The following MTAP variants were observed in gnomAD, a reference collection of about 807,000 sequenced individuals.
MTAP encodes the protein S-methyl-5'-thioadenosine phosphorylase.
MTAP carries 33 observed loss-of-function variants against 33.6 expected under a neutral mutation model. The observed-to-expected ratio is 0.98, with a 90% confidence interval of 0.74 to 1.31. The LOEUF (loss-of-function observed/expected upper bound fraction) is 1.31. MTAP is among the 40% of genes most tolerant of loss of function. MTAP has a pLI of 0.00. For synonymous variants in MTAP, 148 were observed against 125.7 expected (o/e 1.18, Z -1.19); for missense variants, 367 against 360.0 (o/e 1.02, Z -0.16).
At chr9:21,830,429 T>A (rs1200086561) in intron 4 of MTAP, among the ~76,000 whole-genome samples, 2 of 152,238 alleles carry the variant, frequency 1.3e-5, no homozygotes, top group Non-Finnish European at 2.9e-5. Flanking sequence ...CCATTTCTTT[T>A]AACTTGTACA....
intron 1 of MTAP, among the ~76,000 whole-genome samples, chr9:21,909,525 C>T (rs1405576725): frequency 6.6e-6 from 1 of 151,934 alleles, no homozygotes; most frequent in Non-Finnish European, 1.5e-5. Flanking sequence ...TACAAACATG[C>T]TTGATATGTA....
chr9:21,841,692 TCCAGCTCTCAGGAAGC>T (rs928529479), intron 5 of MTAP, among the ~76,000 whole-genome samples: 1 of 152,194 alleles, frequency 6.6e-6, no homozygotes, highest in African/African-American at 2.4e-5. Context: ...GTCACTGCAG[TCCAGCTCTCAGGAAGC>T]CCCATCCCTA....
intron 4 of MTAP, among the ~76,000 whole-genome samples, chr9:21,826,011 T>C (rs1013953223): frequency 1.3e-5 from 2 of 152,204 alleles, no homozygotes; most frequent in Non-Finnish European, 2.9e-5. Context: ...CTTTCTTTCA[T>C]TTAGTTTCCT....
chr9:21,920,196 G>C (rs555613169), intron 1 of MTAP, among the ~76,000 whole-genome samples: 60 of 152,202 alleles, frequency 3.9e-4, no homozygotes, highest in Non-Finnish European at 5.3e-4. Flanking sequence ...GTGTCTTTTA[G>C]AAAGGAGGGA....
chr9:21,856,108 T>C, intron 6 of MTAP: 7 of 970,138 alleles, frequency 7.2e-6, no homozygotes, highest in Non-Finnish European at 8.6e-6. Context: ...GTTACTTGAA[T>C]AAACTAGATC....
In MTAP at chr9:21,861,978, T is replaced by G. The variant is rs1424537575; in HGVS notation, c.816T>G (p.Asn272Lys). The change falls in exon 8 of 8, where the codon AAT (asparagine) becomes AAG (lysine). Residue 272 changes from asparagine (N) to lysine (K), a missense_variant and splice_region_variant. Physicochemically the swap from Asn to Lys is moderately conservative, Grantham distance 94 (BLOSUM62 0). Transcript: ENST00000644715. ...EWSETLHNLK[N>K]MAQFSVLLPR... Reference sequence around the variant, plus strand: ...ACTGCCTCCTTTCTTCCTTTCAGAATATGGCCCAGTTTTCTGTTTTATTAC... The same window carrying G: ...ACTGCCTCCTTTCTTCCTTTCAGAAGATGGCCCAGTTTTCTGTTTTATTAC... The G allele has an allele frequency of 3.2e-6, 5 of 1,567,996 alleles. No homozygotes were observed. Among genetic ancestry groups the G allele is most frequent in the Non-Finnish European group, 3.5e-6 (4 of 1,138,264 alleles).
intron 4 of MTAP, among the ~76,000 whole-genome samples, chr9:21,835,221 G>T (rs574205086): frequency 6.6e-6 from 1 of 152,094 alleles, no homozygotes. Flanking sequence ...CCTCCAAAAG[G>T]CTCCATCTCC....
In MTAP at chr9:21,854,622, C is replaced by A. The variant is rs140931851; in HGVS notation, c.451-9C>A. 2.0e-6 allele frequency: 3 copies of A among 1,529,746 alleles called. No homozygotes were observed. The highest frequency in any genetic ancestry group is 2.6e-6 in the Non-Finnish European group (3 of 1,139,834). The allele number at this position is 1,529,746 out of a possible 1,614,324, so 94.8% of individuals were successfully genotyped here. ...GTATGTTTTGAAGTTTCTGGTTTTT[C>A]TTTTCTAGGTTCTTATAGAGACTGC... On this transcript the variant is annotated splice_polypyrimidine_tract_variant and intron_variant, in intron 5 of 7. Coordinates refer to ENST00000644715, the MANE Select transcript of MTAP (RefSeq NM_002451.4).
At chr9:21,921,431 A>T (rs1818785601) in intron 1 of MTAP, among the ~76,000 whole-genome samples, 1 of 151,772 alleles carries the variant, frequency 6.6e-6, no homozygotes, top group Non-Finnish European at 1.5e-5. Context: ...TTTCTACTAA[A>T]TTTGGTTTTG....
chr9:21,820,615 G>A (rs1232881074), intron 4 of MTAP, among the ~76,000 whole-genome samples: 2 of 152,150 alleles, frequency 1.3e-5, no homozygotes, highest in African/African-American at 4.8e-5. Context: ...GATTGTCTTG[G>A]CAATGTTCAT....
intron 1 of MTAP, among the ~76,000 whole-genome samples, chr9:21,928,410 G>A (rs1376535793): frequency 5.9e-5 from 9 of 152,148 alleles, no homozygotes; most frequent in African/African-American, 2.4e-5. Flanking sequence ...CTCTGGGGAG[G>A]ACTGGTAGAT....
intron 1 of MTAP, 121 bp downstream of exon 1, chr9:21,802,902 G>A (rs1298943832): frequency 6.8e-7 from 1 of 1,479,540 alleles, no homozygotes; most frequent in Non-Finnish European, 8.9e-7. Context: ...CCGCCGCGGG[G>A]AGGGACTGGG....
intron 5 of MTAP, among the ~76,000 whole-genome samples, chr9:21,852,151 C>G (rs1825528033): frequency 6.6e-6 from 1 of 152,154 alleles, no homozygotes; most frequent in Non-Finnish European, 1.5e-5. Context: ...GAATGGAAAA[C>G]TAAATATCGT....
downstream of MTAP, among the ~76,000 whole-genome samples, chr9:21,869,367 C>T (rs547493111): frequency 1.3e-5 from 2 of 152,140 alleles, no homozygotes; most frequent in Non-Finnish European, 2.9e-5. Context: ...GCATTTGATA[C>T]ACTTGACCCC....
In MTAP at chr9:21,864,165, T is replaced by G; in HGVS notation, c.*2151T>G. ...CTCCAACTTGCAGAGGTACTTTTCT[T>G]GATTAAATAGCCTTCTCTAGCAACA... On this transcript the variant is annotated 3_prime_UTR_variant, in exon 8 of 8. Transcript: ENST00000644715. The G allele has an allele frequency of 1.0e-6, 1 of 985,464 alleles. No individual in the cohort carries two copies. The allele number at this position is 985,464 out of a possible 1,614,324, so 61.0% of individuals were successfully genotyped here. A position where few individuals can be genotyped will look rare whatever the true frequency, so the allele number is the denominator to read the frequency against.
chr9:21,825,800 C>T (rs1824781025), intron 4 of MTAP, among the ~76,000 whole-genome samples: 1 of 152,144 alleles, frequency 6.6e-6, no homozygotes, highest in African/African-American at 2.4e-5. Context: ...ATGAATGCAC[C>T]ACTACACTCC....
chr9:21,833,785 T>C lies in MTAP; in HGVS notation c.348-4123T>C, dbSNP rs73429370. ...GGATGGGTGTTTGCCCTCAGCTTGTTTGCAACACCACATTTCCTCAAAGGA... is the reference window on the plus strand; with the variant it reads ...GGATGGGTGTTTGCCCTCAGCTTGTCTGCAACACCACATTTCCTCAAAGGA... On this transcript the variant is annotated intron_variant, in intron 4 of 7. Transcript: ENST00000644715. 4.1e-3 allele frequency among the ~76,000 whole-genome samples: 632 copies of C among 152,324 alleles called. 9 individuals are homozygous for C. The highest frequency in any genetic ancestry group is 0.015 in the African/African-American group (606 of 41,576).
chr9:21,887,502 A>G (rs1045274438), intron 1 of MTAP, among the ~76,000 whole-genome samples: 6 of 152,112 alleles, frequency 3.9e-5, no homozygotes, highest in African/African-American at 1.4e-4. Context: ...TTCTTAATCC[A>G]GTCTATCATT....
Position 21,818,112 on chromosome 9 carries a change from G to A in MTAP, c.257G>A (p.Cys86Tyr). 6.2e-7 allele frequency: 1 copy of A among 1,614,036 alleles called. No individual in the cohort carries two copies. The highest frequency in any genetic ancestry group is 8.5e-7 in the Non-Finnish European group (1 of 1,180,000). Residue 86 changes from cysteine (C) to tyrosine (Y), a missense_variant, in exon 4 of 8, where the codon TGT (cysteine) becomes TAT (tyrosine). Transcript: ENST00000644715. ...ATCTGGGCTTTGAAGGAAGAGGGCT[G>A]TACACATGTCATAGTGACCACAGCT... Reference protein sequence around the residue: ...ANIWALKEEGCTHVIVTTACG... With the variant: ...ANIWALKEEGYTHVIVTTACG...
Sources: allele counts gnomAD v4.1 joint callset (sites outside exome capture counted in the v4.1 genomes callset), GRCh38; gene constraint gnomAD v4.1.1; transcripts MANE v1.5; gene names NCBI Gene and HGNC (gene_info 2026-07-23, HGNC 2026-07-21).